PGBD2: variants seen among roughly 807,000 people sequenced by gnomAD.
PGBD2 encodes piggyBac transposable element-derived protein 2.
PGBD2 carries 6 observed loss-of-function variants against 8.1 expected under a neutral mutation model. The observed-to-expected ratio is 0.74, with a 90% confidence interval of 0.40 to 1.46. The LOEUF is 1.46. Ranked by LOEUF, PGBD2 falls within the 40% of genes most tolerant of loss-of-function variation. PGBD2 has a pLI of 0.02. For synonymous variants in PGBD2, 318 were observed against 272.2 expected (o/e 1.17, Z -1.66); for missense variants, 802 against 739.0 (o/e 1.09, Z -0.99).
rs1366180595 is a variant in PGBD2 at position 248,916,951 on chromosome 1, A to C, written c.367A>C (p.Ser123Arg). The C allele has an allele frequency of 3.1e-6, 5 of 1,613,608 alleles. No individual in the cohort carries two copies. The highest frequency in any genetic ancestry group is 3.3e-4 in the Middle Eastern group (2 of 6,060). Residue 123 changes from serine to arginine, a missense_variant, in exon 3 of 3, where the codon AGT becomes CGT. By Grantham distance (110) the Ser-to-Arg change is moderately radical. Transcript: ENST00000329291. The stretch of plus-strand genomic sequence containing the variant: ...AAGAGATATTCGTCCAGACTTTGGC[A>C]GTTGGACTGCATCAGATCCTCATAT... Reference protein sequence around the residue: ...TKRDIRPDFGSWTASDPHIED... With the variant: ...TKRDIRPDFGRWTASDPHIED...
rs1054186510 is a variant in PGBD2, at chr1:248,918,354, C to T, written c.1770C>T (p.His590=). 1.3e-6 allele frequency: 2 copies of T among 1,543,490 alleles called. No individual in the cohort carries two copies. Residue 590 remains histidine (H), a synonymous_variant, in exon 3 of 3, where the codon CAC becomes CAT. Coordinates refer to ENST00000329291, the MANE Select transcript of PGBD2 (RefSeq NM_170725.3). ...ATGCCAAATGCTTCAGGGAGTACCACATCCGGTGACATCATGAGACATGCT... is the reference window on the plus strand; with the variant it reads ...ATGCCAAATGCTTCAGGGAGTACCATATCCGGTGACATCATGAGACATGCT... ...GVHAKCFREY[H]IR
intron 1 of PGBD2, among the ~76,000 whole-genome samples, chr1:248,907,476 G>GACCCTTT (rs1306900476): frequency 1.3e-5 from 2 of 152,218 alleles, no homozygotes; most frequent in East Asian, 1.9e-4. Context: ...CCTCAGCACA[G>GACCCTTT]ACGGGTGTCG....
chr1:248,913,909 T>C, intron 2 of PGBD2, 30 bp downstream of exon 2: 2 of 1,589,652 alleles, frequency 1.3e-6, no homozygotes, highest in Non-Finnish European at 1.7e-6. Context: ...AAATGTTTTA[T>C]TGAAGAATTT....
At chr1:248,929,602 C>G in the PGBD2 span, among the ~76,000 whole-genome samples, 1 of 152,178 alleles carries the variant, frequency 6.6e-6, no homozygotes, top group Admixed American at 6.5e-5. Flanking sequence ...TAGCAAGCTC[C>G]TAGCAGATGA....
At chr1:248,897,930 G>A in the PGBD2 span, among the ~76,000 whole-genome samples, 5 of 152,176 alleles carry the variant, frequency 3.3e-5, no homozygotes, top group African/African-American at 4.8e-5. Context: ...GGACCGGGAG[G>A]GATTCCCCAC....
intron 1 of PGBD2, among the ~76,000 whole-genome samples, chr1:248,908,472 C>T (rs920386753): frequency 2.6e-5 from 4 of 151,688 alleles, no homozygotes; most frequent in Non-Finnish European, 5.9e-5. Flanking sequence ...CTCCCCTGCC[C>T]TACCCCCTCA....
the PGBD2 span, among the ~76,000 whole-genome samples, chr1:248,883,115 GTTTGTTTGTTT>G: frequency 1.0e-3 from 153 of 151,324 alleles, 1 homozygote; most frequent in Middle Eastern, 0.014. Context: ...GAATTTCTTT[GTTTGTTTGTTT>G]TTTGTTTGTT....
At chr1:248,924,714 C>T (rs1033630207), downstream of PGBD2, among the ~76,000 whole-genome samples, 3 of 152,216 alleles carry the variant, frequency 2.0e-5, no homozygotes, top group Non-Finnish European at 2.9e-5. Context: ...TTGTTTCTGT[C>T]TCTTTAACTG....
At chr1:248,889,979 G>A in the PGBD2 span, among the ~76,000 whole-genome samples, 1 of 149,474 alleles carries the variant, frequency 6.7e-6, no homozygotes, top group East Asian at 2.0e-4. Context: ...CCAGGCTGGA[G>A]TGCAATGGTG....
chr1:248,878,165 A>G, the PGBD2 span, among the ~76,000 whole-genome samples: 2 of 148,006 alleles, frequency 1.4e-5, no homozygotes, highest in South Asian at 4.3e-4. Context: ...CACTATTTGT[A>G]TCATTGTTTT....
the PGBD2 span, among the ~76,000 whole-genome samples, chr1:248,878,041 A>G: frequency 2.1e-4 from 32 of 152,198 alleles, no homozygotes; most frequent in Non-Finnish European, 4.4e-4. Context: ...GATTGGGGTA[A>G]TTGTAACTTT....
the PGBD2 span, among the ~76,000 whole-genome samples, chr1:248,885,762 C>T: frequency 9.4e-3 from 1,433 of 152,300 alleles, 32 homozygotes; most frequent in African/African-American, 0.033. Context: ...TGGCCATTTC[C>T]TTCCTAAATT....
At position 248,915,933 on chromosome 1, in the gene PGBD2, G is replaced by A. The variant is rs141423657; in HGVS notation, c.18-669G>A. ...GGCCATTGAGTCTGAGGGGACAGGA[G>A]TGGGTGTCACTGCAGCTGCCCAGGG... On this transcript the variant is annotated intron_variant, in intron 2 of 2. Coordinates refer to ENST00000329291, the MANE Select transcript of PGBD2 (RefSeq NM_170725.3). Among the ~76,000 whole-genome samples the A allele has an allele frequency of 5.6e-4, 86 of 152,322 alleles. 1 individual carries two copies. Among genetic ancestry groups the A allele is most frequent in the African/African-American group, 1.4e-3 (59 of 41,574 alleles).
At chr1:248,880,982 T>A in the PGBD2 span, among the ~76,000 whole-genome samples, 1 of 152,184 alleles carries the variant, frequency 6.6e-6, no homozygotes, top group East Asian at 1.9e-4. Context: ...ACTTGTAGCA[T>A]GATGTGTCTC....
the PGBD2 span, among the ~76,000 whole-genome samples, chr1:248,929,564 G>A: frequency 6.6e-6 from 1 of 152,190 alleles, no homozygotes; most frequent in African/African-American, 2.4e-5. Flanking sequence ...CTCCCCTTGT[G>A]TTAGGCAATG....
Position 248,917,053 on chromosome 1 carries a change from A to G in PGBD2, c.469A>G (p.Ile157Val), listed in dbSNP as rs774364520. The change falls in exon 3 of 3, where the codon ATT (isoleucine) becomes GTT (valine). Residue 157 changes from isoleucine to valine, a missense_variant. Ile to Val is a conservative substitution (Grantham distance 29, BLOSUM62 3). Coordinates refer to ENST00000329291, the MANE Select transcript of PGBD2 (RefSeq NM_170725.3). ...LFFDEGTINF[I>V]VNETNRYAWQ... is the part of the protein sequence containing the mutation. ...TTTTGATGAAGGAACAATTAATTTC[A>G]TTGTTAATGAAACCAATCGTTATGC... is the stretch of plus-strand genomic sequence containing the variant. The G allele has an allele frequency of 4.3e-6, 7 of 1,613,792 alleles. No homozygotes were observed. The highest frequency in any genetic ancestry group is 4.2e-6 in the Non-Finnish European group (5 of 1,179,954).
At chr1:248,889,650 G>C in the PGBD2 span, among the ~76,000 whole-genome samples, 2 of 152,096 alleles carry the variant, frequency 1.3e-5, no homozygotes, top group Admixed American at 1.3e-4. Context: ...TCGGGGACAG[G>C]GAAAGGAGGG....
chr1:248,881,807 T>C, the PGBD2 span, among the ~76,000 whole-genome samples: 1 of 152,208 alleles, frequency 6.6e-6, no homozygotes, highest in Non-Finnish European at 1.5e-5. Flanking sequence ...TAATGAGTAC[T>C]GTTTGGTGCA....
the PGBD2 span, among the ~76,000 whole-genome samples, chr1:248,899,510 T>C: frequency 2.0e-5 from 3 of 151,872 alleles, no homozygotes; most frequent in Non-Finnish European, 2.9e-5. Flanking sequence ...GGGTAAATAA[T>C]AAGGCAGAAA....
Sources: gnomAD v4.1 joint callset for allele counts (sites outside exome capture counted in the v4.1 genomes callset) on GRCh38, gnomAD v4.1.1 for gene constraint, MANE v1.5 for transcripts, NCBI Gene and HGNC (gene_info 2026-07-23, HGNC 2026-07-21) for gene names.